PPFIBP2: variants seen among roughly 807,000 people sequenced by gnomAD.
The protein encoded by PPFIBP2 is PPFIB scaffold protein 2.
In PPFIBP2, 118 loss-of-function variants were observed where a neutral mutation model predicts 118.3. The observed-to-expected ratio is 1.00, with a 90% CI of 0.86 to 1.16. PPFIBP2 has a LOEUF of 1.16. Ranked by LOEUF, PPFIBP2 falls within the 50% of genes most tolerant of loss-of-function variation. PPFIBP2 has a pLI of 0.00. For missense variants in PPFIBP2, 1,195 were observed against 1,073.1 expected (o/e 1.11, Z -1.59); for synonymous variants, 414 against 397.4 (o/e 1.04, Z -0.50).
chr11:7,664,483 A>G, the PPFIBP2 span, among the ~76,000 whole-genome samples: 5 of 152,112 alleles, frequency 3.3e-5, no homozygotes, highest in South Asian at 2.1e-4. Flanking sequence ...CTTGGTCTCT[A>G]CCCTCTAAAT....
intron 3 of PPFIBP2, among the ~76,000 whole-genome samples, chr11:7,580,858 T>C (rs534874725): frequency 7.0e-4 from 106 of 152,344 alleles, no homozygotes; most frequent in African/African-American, 2.5e-3. Flanking sequence ...TTAACTGCTA[T>C]TGGTGATTAT....
intron 23 of PPFIBP2, 113 bp downstream of exon 23, chr11:7,651,957 G>T: frequency 9.5e-7 from 1 of 1,053,118 alleles, no homozygotes; most frequent in East Asian, 2.5e-5. Flanking sequence ...TGGACAAAGA[G>T]GATCTTTCAG....
At chr11:7,663,561 C>G in the PPFIBP2 span, among the ~76,000 whole-genome samples, 948 of 152,316 alleles carry the variant, frequency 6.2e-3, 11 homozygotes, top group African/African-American at 0.022. Flanking sequence ...AGCTGTCAGA[C>G]AGGGACATTT....
chr11:7,602,109 AAAG>A (rs1157190504), intron 5 of PPFIBP2, among the ~76,000 whole-genome samples: 4 of 151,122 alleles, frequency 2.6e-5, no homozygotes, highest in South Asian at 2.1e-4. Context: ...AAAAAAAAAA[AAAG>A]AAGAGTCATT....
intron 17 of PPFIBP2, among the ~76,000 whole-genome samples, chr11:7,642,951 GT>G (rs1441523816): frequency 6.6e-6 from 1 of 152,170 alleles, no homozygotes; most frequent in East Asian, 1.9e-4. Flanking sequence ...CAGGTTTCTA[GT>G]CTTACCAGGT....
chr11:7,600,486 G>A (rs538465461), intron 5 of PPFIBP2, among the ~76,000 whole-genome samples: 60 of 152,348 alleles, frequency 3.9e-4, no homozygotes, highest in African/African-American at 1.3e-3. Flanking sequence ...GATATCCTGG[G>A]CTGCAGGGCC....
At position 7,641,583 on chromosome 11, in the gene PPFIBP2, A is replaced by T; in HGVS notation, c.1480A>T (p.Lys494Ter). Reference protein sequence around the residue: ...GPQSPLTPDGKRNPKGIKKFW... With the variant: ...GPQSPLTPDG ...TCAGTCTCCTCTGACACCAGATGGT[A>T]AACGGAATCCCAAAGGCATTAAGAA... The change falls in exon 16 of 24, where the codon AAA becomes TAA. Residue 494 changes from lysine (K) to a stop codon, truncating the protein, a stop_gained. Coordinates refer to ENST00000299492, the MANE Select transcript of PPFIBP2 (RefSeq NM_003621.5). LOFTEE classifies it high-confidence loss of function. The T allele has an allele frequency of 6.2e-7, 1 of 1,614,052 alleles. No homozygotes were observed. Among genetic ancestry groups the T allele is most frequent in the Non-Finnish European group, 8.5e-7 (1 of 1,179,880 alleles).
the PPFIBP2 span, chr11:7,665,630 C>G: frequency 1.4e-6 from 2 of 1,405,444 alleles, no homozygotes; most frequent in Non-Finnish European, 1.9e-6. Context: ...CCACCCTCAG[C>G]CAGGGAGGAG....
At chr11:7,542,595 TCCC>T (rs928154872) in intron 1 of PPFIBP2, among the ~76,000 whole-genome samples, 1 of 152,174 alleles carries the variant, frequency 6.6e-6, no homozygotes, top group Non-Finnish European at 1.5e-5. Flanking sequence ...TTTATTATTT[TCCC>T]CCCATTTGTC....
At chr11:7,602,323 C>T (rs1404659027) in intron 5 of PPFIBP2, among the ~76,000 whole-genome samples, 3 of 152,106 alleles carry the variant, frequency 2.0e-5, no homozygotes, top group East Asian at 3.9e-4. Flanking sequence ...CATGGACCAG[C>T]GATGTTCTTG....
chr11:7,639,999 A>C (rs989298283), intron 15 of PPFIBP2, 129 bp downstream of exon 15: 3 of 1,339,018 alleles, frequency 2.2e-6, no homozygotes, highest in Admixed American at 2.9e-5. Flanking sequence ...GGCTGGAACA[A>C]GTTGTACCTT....
intron 9 of PPFIBP2, among the ~76,000 whole-genome samples, chr11:7,629,014 G>A (rs546504065): frequency 3.4e-4 from 52 of 152,262 alleles, no homozygotes; most frequent in African/African-American, 1.2e-3. Context: ...TGAAAGAAAC[G>A]ATCTTCTCTG....
chr11:7,664,933 C>T, the PPFIBP2 span, among the ~76,000 whole-genome samples: 1 of 152,084 alleles, frequency 6.6e-6, no homozygotes, highest in Admixed American at 6.5e-5. Context: ...CCCCTAGTGC[C>T]ATGGAGAGAT....
chr11:7,617,992 G>A lies in PPFIBP2; in HGVS notation c.619-2943G>A, dbSNP rs765329149. 3.9e-5 allele frequency among the ~76,000 whole-genome samples: 6 copies of A among 152,092 alleles called. 1 individual carries two copies. The highest frequency in any genetic ancestry group is 7.4e-5 in the Non-Finnish European group (5 of 68,016). On this transcript the variant is annotated intron_variant, in intron 6 of 23. Coordinates refer to ENST00000299492, the MANE Select transcript of PPFIBP2 (RefSeq NM_003621.5). Reference sequence around the variant, plus strand: ...TTCAGCAGAGATAACCCTATGCCTCGAAGGAGGCCTCCTGTTGAAGAGGAC... The same window carrying A: ...TTCAGCAGAGATAACCCTATGCCTCAAAGGAGGCCTCCTGTTGAAGAGGAC...
intron 9 of PPFIBP2, among the ~76,000 whole-genome samples, chr11:7,628,880 G>T (rs113497949): frequency 1.3e-5 from 2 of 152,198 alleles, no homozygotes; most frequent in African/African-American, 4.8e-5. Context: ...TGAGGAAACA[G>T]ACTCAGAGTG....
rs1349689567 is a variant in PPFIBP2, at chr11:7,565,551, A to G, written c.65-2A>G. The G allele has an allele frequency of 1.2e-6, 2 of 1,614,038 alleles. No homozygotes were observed. Among genetic ancestry groups the G allele is most frequent in the Admixed American group, 1.7e-5 (1 of 60,028 alleles). On this transcript the variant is annotated splice_acceptor_variant, in intron 2 of 23. Coordinates refer to ENST00000299492, the MANE Select transcript of PPFIBP2 (RefSeq NM_003621.5). LOFTEE classifies it high-confidence loss of function. ...TGAGTTTTCACCTCTCTCTCATTGC[A>G]GGCACTAAAACAGGTGCAGATCTTA... is the stretch of plus-strand genomic sequence containing the variant.
chr11:7,576,520 T>TC (rs1176502131), intron 3 of PPFIBP2: 1 of 152,374 alleles, frequency 6.6e-6, no homozygotes, highest in Non-Finnish European at 1.5e-5. Context: ...GCTCCAGGTC[T>TC]CCGCCAGCCT....
At chr11:7,570,521 CAAA>C (rs1855544819) in intron 3 of PPFIBP2, among the ~76,000 whole-genome samples, 1 of 152,180 alleles carries the variant, frequency 6.6e-6, no homozygotes, top group Non-Finnish European at 1.5e-5. Context: ...AACCCAGCAG[CAAA>C]GTGAAGGCAA....
At chr11:7,596,283 G>C (rs1416426445) in intron 4 of PPFIBP2, among the ~76,000 whole-genome samples, 2 of 152,078 alleles carry the variant, frequency 1.3e-5, no homozygotes, top group Non-Finnish European at 2.9e-5. Flanking sequence ...TGAAAGTAGA[G>C]TTAGTTCAGG....
Sources: allele counts gnomAD v4.1 joint callset (sites outside exome capture counted in the v4.1 genomes callset), GRCh38; gene constraint gnomAD v4.1.1; transcripts MANE v1.5; gene names NCBI Gene and HGNC (gene_info 2026-07-23, HGNC 2026-07-21).